The following GRIA4 variants were observed in gnomAD, a reference collection of about 807,000 sequenced individuals.
GRIA4 encodes glutamate receptor 4.
GRIA4 carries 34 observed loss-of-function variants against 104.0 expected under a neutral mutation model. The observed-to-expected ratio is 0.33, with a 90% CI of 0.25 to 0.44. The LOEUF (loss-of-function observed/expected upper bound fraction) is 0.44, where lower values mean the gene tolerates loss of function less well. Among genes scored for constraint, GRIA4 ranks in the 20% least tolerant of loss-of-function variants. The probability of loss-of-function intolerance (pLI) is 1.00; values close to 1 mark genes in which losing one functional copy is unlikely to be tolerated. For synonymous variants in GRIA4, 386 were observed against 381.9 expected, an observed-to-expected ratio of 1.01 and a Z score of -0.13; for missense variants, 750 against 1,096.5, an observed-to-expected ratio of 0.68 and a Z score of 4.46.
chr11:105,735,958 C>T (rs1285689549), intron 3 of GRIA4, among the ~76,000 whole-genome samples: 4 of 152,120 alleles, frequency 2.6e-5, no homozygotes, highest in African/African-American at 9.7e-5. Flanking sequence ...GAAGAAGGGG[C>T]AGCAATTGTC....
At chr11:105,731,724 G>T (rs886377323) in intron 3 of GRIA4, among the ~76,000 whole-genome samples, 2 of 152,104 alleles carry the variant, frequency 1.3e-5, no homozygotes, top group African/African-American at 4.8e-5. Context: ...CATGTACTTT[G>T]CAGGGACATG....
At chr11:105,865,245 T>G (rs1463456789) in intron 5 of GRIA4, among the ~76,000 whole-genome samples, 1 of 152,142 alleles carries the variant, frequency 6.6e-6, no homozygotes, top group Non-Finnish European at 1.5e-5. Context: ...ACCCACTGAG[T>G]CATTTAAGAG....
chr11:105,950,251 A>G (rs963561895), intron 14 of GRIA4, among the ~76,000 whole-genome samples: 1 of 152,210 alleles, frequency 6.6e-6, no homozygotes, highest in African/African-American at 2.4e-5. Context: ...TAAAGGCTTC[A>G]ACTAAAGTGA....
At chr11:105,963,367 G>A (rs942308137) in intron 14 of GRIA4, among the ~76,000 whole-genome samples, 1 of 152,076 alleles carries the variant, frequency 6.6e-6, no homozygotes, top group Non-Finnish European at 1.5e-5. Context: ...GAGCCCTTTA[G>A]ACCTAAACTT....
intron 6 of GRIA4, among the ~76,000 whole-genome samples, chr11:105,888,271 C>CTTTTTTTTTTTTTTTTTTTTTTTTT: frequency 1.8e-5 from 1 of 54,560 alleles, no homozygotes; most frequent in Non-Finnish European, 3.0e-5. Context: ...ATGTTTTCTC[C>CTTTTTTTTTTTTTTTTTTTTTTTTT]TTTTTTTTTT....
chr11:105,644,543 G>T (rs1263119723), intron 3 of GRIA4, among the ~76,000 whole-genome samples: 2 of 152,140 alleles, frequency 1.3e-5, no homozygotes, highest in Admixed American at 6.5e-5. Context: ...GATGGAGGTT[G>T]CAGTGAGCTG....
At position 105,610,913 on chromosome 11, in the gene GRIA4, T is replaced by A; in HGVS notation, c.-85T>A. 1.0e-5 allele frequency: 5 copies of A among 498,840 alleles called. No homozygotes were observed. The highest frequency in any genetic ancestry group is 1.1e-5 in the Non-Finnish European group (3 of 279,894). 30.9% of individuals were successfully genotyped at this position (498,840 alleles called of 1,614,324 possible). A position where few individuals can be genotyped will look rare whatever the true frequency, so the allele number is the denominator to read the frequency against. On this transcript the variant is annotated 5_prime_UTR_variant, in exon 2 of 17. Coordinates refer to ENST00000282499, the MANE Select transcript of GRIA4 (RefSeq NM_000829.4). ...TTGGTTGATTTTAATTTTAGCGCCATCGTCTTCAATGCTTCTCTGAACAGC... is the reference window on the plus strand; with the variant it reads ...TTGGTTGATTTTAATTTTAGCGCCAACGTCTTCAATGCTTCTCTGAACAGC...
At chr11:105,624,140 A>C (rs1407912749) in intron 3 of GRIA4, among the ~76,000 whole-genome samples, 1 of 152,110 alleles carries the variant, frequency 6.6e-6, no homozygotes, top group Non-Finnish European at 1.5e-5. Flanking sequence ...ATTAAATTTA[A>C]TTTAACATAT....
At chr11:105,824,297 A>C (rs1467934921) in intron 4 of GRIA4, among the ~76,000 whole-genome samples, 2 of 152,032 alleles carry the variant, frequency 1.3e-5, no homozygotes, top group Non-Finnish European at 2.9e-5. Flanking sequence ...AACCACTTTC[A>C]GCTGTTTTAG....
chr11:105,960,709 G>GT (rs1277303916), intron 14 of GRIA4, among the ~76,000 whole-genome samples: 1 of 152,264 alleles, frequency 6.6e-6, no homozygotes, highest in African/African-American at 2.4e-5. Context: ...CTGAGAGGCT[G>GT]TAAGAATCTG....
chr11:105,912,033 C>A, intron 10 of GRIA4: 1 of 1,175,112 alleles, frequency 8.5e-7, no homozygotes, highest in Non-Finnish European at 1.1e-6. Flanking sequence ...CAACTCTGGA[C>A]TACCAGAAAA....
At chr11:105,798,342 T>C (rs963076530) in intron 4 of GRIA4, among the ~76,000 whole-genome samples, 2 of 152,036 alleles carry the variant, frequency 1.3e-5, no homozygotes, top group African/African-American at 4.8e-5. Context: ...GTGGAAGAGA[T>C]TGTTGGGCAG....
chr11:105,628,770 T>A (rs560756364), intron 3 of GRIA4, among the ~76,000 whole-genome samples: 1 of 152,218 alleles, frequency 6.6e-6, no homozygotes, highest in African/African-American at 2.4e-5. Flanking sequence ...AATGATTGTA[T>A]GTTATAAAAA....
intron 3 of GRIA4, among the ~76,000 whole-genome samples, chr11:105,713,005 C>A (rs978632802): frequency 9.9e-5 from 15 of 152,136 alleles, no homozygotes; most frequent in Admixed American, 5.9e-4. Flanking sequence ...ATATAAAAAT[C>A]TGCATTTATC....
At chr11:105,664,318 G>A (rs913871439) in intron 3 of GRIA4, among the ~76,000 whole-genome samples, 1 of 150,488 alleles carries the variant, frequency 6.6e-6, no homozygotes, top group Non-Finnish European at 1.5e-5. Flanking sequence ...AACTTGCCGA[G>A]TTTGAGAACA....
At chr11:105,683,051 T>C (rs913618380) in intron 3 of GRIA4, among the ~76,000 whole-genome samples, 2 of 152,202 alleles carry the variant, frequency 1.3e-5, no homozygotes, top group African/African-American at 4.8e-5. Context: ...ATGGTGAGCC[T>C]GGATTTTTCT....
chr11:105,705,364 A>C (rs990398895), intron 3 of GRIA4, among the ~76,000 whole-genome samples: 4 of 152,174 alleles, frequency 2.6e-5, no homozygotes, highest in Non-Finnish European at 5.9e-5. Context: ...ATTATACAGT[A>C]GTGAAATATT....
At chr11:105,924,817 A>G (rs757802900) in intron 12 of GRIA4, 48 bp downstream of exon 12, 3 of 1,388,212 alleles carry the variant, frequency 2.2e-6, no homozygotes, top group Non-Finnish European at 3.0e-6. Context: ...CAGTAATTCT[A>G]AATGTTGTGC....
intron 14 of GRIA4, among the ~76,000 whole-genome samples, chr11:105,948,595 G>GTTTTTTTTTTTTTTTTTTTTTTCTTTTTT (rs3060323): frequency 1.1e-5 from 1 of 87,868 alleles, no homozygotes; most frequent in Non-Finnish European, 2.1e-5. Context: ...TTTTCTTTTT[G>GTTTTTTTTTTTTTTTTTTTTTTCTTTTTT]TTTTTTTTTT....
Sources: allele counts gnomAD v4.1 joint callset (sites outside exome capture counted in the v4.1 genomes callset), GRCh38; gene constraint gnomAD v4.1.1; transcripts MANE v1.5; gene names NCBI Gene and HGNC (gene_info 2026-07-23, HGNC 2026-07-21).